The following LRP1B variants were observed in gnomAD, a reference collection of about 807,000 sequenced individuals.
The protein encoded by LRP1B is low-density lipoprotein receptor-related protein 1B.
In LRP1B, 217 loss-of-function variants were observed where a neutral mutation model predicts 556.6. The ratio of observed to expected loss-of-function variants is 0.39; its 90% CI spans 0.35 to 0.44. The LOEUF (loss-of-function observed/expected upper bound fraction) is 0.44. LRP1B is among the 20% of genes least tolerant of loss of function. The pLI is 1.00. For missense variants in LRP1B, 5,053 were observed against 5,620.8 expected (o/e 0.90, Z 3.23); for synonymous variants, 2,047 against 1,865.8 (o/e 1.10, Z -2.50).
chr2:141,412,598 T>C (rs894902658), intron 3 of LRP1B, among the ~76,000 whole-genome samples: 6 of 152,218 alleles, frequency 3.9e-5, no homozygotes, highest in African/African-American at 1.4e-4. Context: ...ACAAGAAAAG[T>C]TTCTACTTGT....
intron 32 of LRP1B, among the ~76,000 whole-genome samples, chr2:140,811,210 A>G (rs2105030568): frequency 6.6e-6 from 1 of 152,322 alleles, no homozygotes; most frequent in South Asian, 2.1e-4. Context: ...ACAGATTCAC[A>G]GCATTGACAC....
chr2:140,711,926 CAAG>C (rs1024650203), intron 37 of LRP1B, among the ~76,000 whole-genome samples: 1 of 152,100 alleles, frequency 6.6e-6, no homozygotes, highest in Non-Finnish European at 1.5e-5. Context: ...CATTTGAGAC[CAAG>C]AAGTTTAGAA....
intron 2 of LRP1B, among the ~76,000 whole-genome samples, chr2:141,574,428 A>G (rs1427578641): frequency 1.3e-5 from 2 of 152,200 alleles, no homozygotes; most frequent in African/African-American, 4.8e-5. Flanking sequence ...TAAACTAGGT[A>G]CTGATGGAAC....
chr2:141,465,272 G>T lies in LRP1B; in HGVS notation c.343+15124C>A, dbSNP rs182438239. ...GAAGGCATAAAACTGAGAAAATAAA[G>T]ACTGAAAAAGTGTGGGATATGCAGT... On this transcript the variant is annotated intron_variant, in intron 3 of 90. Coordinates refer to ENST00000389484, the MANE Select transcript of LRP1B (RefSeq NM_018557.3). 3.2e-3 allele frequency among the ~76,000 whole-genome samples: 485 copies of T among 152,088 alleles called. 3 individuals carry two copies. The highest frequency in any genetic ancestry group is 0.011 in the African/African-American group (464 of 41,498).
chr2:140,513,540 G>C (rs572310366), intron 51 of LRP1B, among the ~76,000 whole-genome samples: 5 of 151,162 alleles, frequency 3.3e-5, no homozygotes, highest in Admixed American at 2.6e-4. Context: ...TTCTATATTT[G>C]TCTGTTGTAT....
At chr2:141,977,564 A>G (rs1201866094) in intron 1 of LRP1B, among the ~76,000 whole-genome samples, 1 of 152,164 alleles carries the variant, frequency 6.6e-6, no homozygotes, top group African/African-American at 2.4e-5. Flanking sequence ...TTCATCTCAA[A>G]AAAAAGTGAT....
Position 141,345,485 on chromosome 2 carries a change from T to C in LRP1B, c.344-90844A>G, listed in dbSNP as rs182516188. On this transcript the variant is annotated intron_variant, in intron 3 of 90. Transcript: ENST00000389484. ...ACCTTTTCTTCTCCTTCTTCTTCTT[T>C]TTTTGTTTTGCTTTGTTTAGAGAGA... 3.8e-3 allele frequency among the ~76,000 whole-genome samples: 583 copies of C among 152,058 alleles called. 4 individuals are homozygous for C. The highest frequency in any genetic ancestry group is 0.012 in the African/African-American group (517 of 41,474).
At chr2:140,553,430 C>T (rs1281897940) in intron 43 of LRP1B, among the ~76,000 whole-genome samples, 4 of 151,500 alleles carry the variant, frequency 2.6e-5, no homozygotes, top group Non-Finnish European at 5.9e-5. Flanking sequence ...TTAACACACA[C>T]ACACACACAC....
chr2:141,055,526 G>T (rs147496498), intron 9 of LRP1B, among the ~76,000 whole-genome samples: 1 of 151,786 alleles, frequency 6.6e-6, no homozygotes, highest in Non-Finnish European at 1.5e-5. Flanking sequence ...ACTCTTCACC[G>T]GTGAGCAAAA....
At chr2:141,471,584 C>T (rs1682476514) in intron 3 of LRP1B, among the ~76,000 whole-genome samples, 1 of 152,144 alleles carries the variant, frequency 6.6e-6, no homozygotes, top group Non-Finnish European at 1.5e-5. Flanking sequence ...TGTCAACCAT[C>T]AGCTCACTTG....
intron 23 of LRP1B, among the ~76,000 whole-genome samples, chr2:140,891,608 T>G (rs1693801277): frequency 6.6e-6 from 1 of 152,148 alleles, no homozygotes; most frequent in Admixed American, 6.5e-5. Flanking sequence ...TGGTAAATGG[T>G]ATATTATTTA....
chr2:140,896,464 A>G (rs2105211755), intron 23 of LRP1B, among the ~76,000 whole-genome samples: 1 of 152,270 alleles, frequency 6.6e-6, no homozygotes, highest in African/African-American at 2.4e-5. Context: ...CTCAAGAGAA[A>G]AAAGGAATGG....
At chr2:142,115,264 G>A (rs1677100889) in intron 1 of LRP1B, among the ~76,000 whole-genome samples, 1 of 150,456 alleles carries the variant, frequency 6.6e-6, no homozygotes, top group Admixed American at 6.7e-5. Context: ...AATACAAGAT[G>A]AGCTTGGAAC....
chr2:141,843,556 A>G (rs1197633955), intron 1 of LRP1B, among the ~76,000 whole-genome samples: 1 of 152,192 alleles, frequency 6.6e-6, no homozygotes, highest in Non-Finnish European at 1.5e-5. Flanking sequence ...TTTTATTTGA[A>G]TGACTAAAAA....
At position 141,412,717 on chromosome 2, in the gene LRP1B, G is replaced by A. The variant is rs1171058381; in HGVS notation, c.343+67679C>T. On this transcript the variant is annotated intron_variant, in intron 3 of 90. Coordinates refer to ENST00000389484, the MANE Select transcript of LRP1B (RefSeq NM_018557.3). Reference sequence around the variant, plus strand: ...CTGGAGTTTTCCTAAATATTTTATGGGGGAAAACAAAAATAATTAAAAAGA... The same window carrying A: ...CTGGAGTTTTCCTAAATATTTTATGAGGGAAAACAAAAATAATTAAAAAGA... Among the ~76,000 whole-genome samples the A allele has an allele frequency of 1.3e-5, 2 of 151,548 alleles. 1 individual carries two copies. The highest frequency in any genetic ancestry group is 6.4e-3 in the Middle Eastern group (2 of 314).
intron 2 of LRP1B, among the ~76,000 whole-genome samples, chr2:141,524,797 GAC>G (rs1684641002): frequency 6.6e-6 from 1 of 151,078 alleles, no homozygotes; most frequent in Non-Finnish European, 1.5e-5. Flanking sequence ...GAAAGAGAGA[GAC>G]AGAGCCAAAG....
chr2:141,954,032 A>G (rs903237852), intron 1 of LRP1B, among the ~76,000 whole-genome samples: 6 of 152,112 alleles, frequency 3.9e-5, no homozygotes, highest in African/African-American at 1.2e-4. Context: ...AAAACTGCCA[A>G]TAATTACTTC....
intron 1 of LRP1B, among the ~76,000 whole-genome samples, chr2:141,933,877 T>A (rs1700567170): frequency 6.6e-6 from 1 of 152,100 alleles, no homozygotes; most frequent in South Asian, 2.1e-4. Flanking sequence ...TCATGAGTAA[T>A]ATGATCTTAT....
At chr2:141,506,722 C>T (rs978481685) in intron 2 of LRP1B, among the ~76,000 whole-genome samples, 1 of 151,730 alleles carries the variant, frequency 6.6e-6, no homozygotes. Context: ...CACTTTTGGA[C>T]GGCTATATAC....
Sources: allele counts gnomAD v4.1 joint callset (sites outside exome capture counted in the v4.1 genomes callset), GRCh38; gene constraint gnomAD v4.1.1; transcripts MANE v1.5; gene names NCBI Gene and HGNC (gene_info 2026-07-23, HGNC 2026-07-21).